GAB3: variants seen among roughly 807,000 people sequenced by gnomAD.
GAB3 encodes the protein GRB2-associated-binding protein 3.
A neutral mutation model predicts 40.4 loss-of-function variants in GAB3; 12 were observed. The ratio of observed to expected loss-of-function variants is 0.30; its 90% confidence interval spans 0.19 to 0.48. The LOEUF (loss-of-function observed/expected upper bound fraction) is 0.48. Among genes scored for constraint, GAB3 ranks in the 20% least tolerant of loss-of-function variants. The probability of loss-of-function intolerance (pLI) is 0.99; values close to 1 mark genes in which losing one functional copy is unlikely to be tolerated. For missense variants in GAB3, 381 were observed against 461.9 expected (o/e 0.82, Z 1.61); for synonymous variants, 154 against 176.7 (o/e 0.87, Z 1.02).
rs1276049102 is a variant in GAB3 at position 154,743,460 on chromosome X, T to C, written c.72+7494A>G. Among the ~76,000 whole-genome samples the C allele has an allele frequency of 2.7e-5, 3 of 111,736 alleles. No homozygotes were observed. In the East Asian group the frequency reaches 8.3e-4, roughly 31 times the overall value. On this transcript the variant is annotated intron_variant, in intron 1 of 9. Transcript: ENST00000424127. ...AATAAATAAAAGAAAAATAAAAGTT[T>C]AGTTTTTTCTCTTTGTTTTAATTGA...
chrX:154,687,510 T>C (rs1557248137), intron 8 of GAB3, among the ~76,000 whole-genome samples: 1 of 107,961 alleles, frequency 9.3e-6, no homozygotes. Flanking sequence ...GGCGGGCGCC[T>C]GTAGTCCCAG....
intron 8 of GAB3, among the ~76,000 whole-genome samples, chrX:154,687,129 T>C (rs782410201): frequency 2.9e-5 from 3 of 102,743 alleles, no homozygotes; most frequent in Non-Finnish European, 6.0e-5. Context: ...GAAGGGGAGG[T>C]TGCAGTGAGT....
At chrX:154,693,653 A>G (rs2070607174) in intron 8 of GAB3, among the ~76,000 whole-genome samples, 1 of 111,970 alleles carries the variant, frequency 8.9e-6, no homozygotes, top group Non-Finnish European at 1.9e-5. Flanking sequence ...TACTCTGATC[A>G]TGGTGGTGGT....
At chrX:154,712,109 T>C (rs1360640025) in intron 4 of GAB3, 120 bp downstream of exon 4, 2 of 495,464 alleles carry the variant, frequency 4.0e-6, no homozygotes, top group African/African-American at 2.4e-5. Flanking sequence ...GCTGCACACA[T>C]CAAGGTAATT....
At chrX:154,708,668 C>G (rs1276695581) in intron 4 of GAB3, among the ~76,000 whole-genome samples, 1 of 111,626 alleles carries the variant, frequency 9.0e-6, no homozygotes, top group Admixed American at 9.5e-5. Flanking sequence ...AGGTATCGGC[C>G]CACACCTGTG....
intron 1 of GAB3, among the ~76,000 whole-genome samples, chrX:154,728,987 G>A (rs1013837221): frequency 1.8e-5 from 2 of 111,650 alleles, no homozygotes; most frequent in South Asian, 3.7e-4. Context: ...ACACATGCAC[G>A]TGTAAGGGGT....
chrX:154,696,140 C>T (rs1023703724), intron 7 of GAB3, 121 bp from the exon 8 acceptor site: 14 of 379,362 alleles, frequency 3.7e-5, no homozygotes, highest in Admixed American at 2.4e-4. Flanking sequence ...AACTTCCTTC[C>T]GGCCAAAGCA....
chrX:154,685,646 C>T (rs1372818527), intron 8 of GAB3, among the ~76,000 whole-genome samples: 1 of 110,738 alleles, frequency 9.0e-6, no homozygotes, highest in Non-Finnish European at 1.9e-5. Flanking sequence ...CAAAGCAGGA[C>T]TTACTTTCCT....
chrX:154,712,553 G>A lies in GAB3; in HGVS notation c.745C>T (p.Pro249Ser), dbSNP rs184479727. Residue 249 changes from proline (P) to serine (S), a missense_variant, in exon 4 of 10, where the codon CCA becomes TCA. Around this residue, in one of 2 missense-constraint regions of GAB3, gnomAD observed 364 missense variants for 421.0 expected, o/e 0.86. Transcript: ENST00000424127. ...AGGGCAGCCTGAGGCCTCGAGGATG[G>A]CACCTCCTGAGCTCCACTGCCATGG... Reference protein sequence around the residue: ...SCHGSGAQEVPSSRPQAALIW... With the variant: ...SCHGSGAQEVSSSRPQAALIW... 2.1e-5 allele frequency: 25 copies of A among 1,180,676 alleles called. No homozygotes were observed. In the African/African-American group the frequency reaches 4.3e-4, roughly 20 times the overall value.
At chrX:154,709,775 G>C (rs1393568543) in intron 4 of GAB3, among the ~76,000 whole-genome samples, 2 of 111,681 alleles carry the variant, frequency 1.8e-5, no homozygotes, top group African/African-American at 6.5e-5. Flanking sequence ...AAAAGGAATG[G>C]TATCCTGTCA....
intron 8 of GAB3, among the ~76,000 whole-genome samples, chrX:154,689,923 G>C (rs2070526858): frequency 9.5e-6 from 1 of 105,783 alleles, no homozygotes; most frequent in Non-Finnish European, 2.0e-5. Flanking sequence ...CTACTTTAAA[G>C]TTCATATGGA....
At chrX:154,734,279 T>C (rs1195285171) in intron 1 of GAB3, among the ~76,000 whole-genome samples, 1 of 113,183 alleles carries the variant, frequency 8.8e-6, no homozygotes, top group Non-Finnish European at 1.9e-5. Context: ...TTTGGGGGCC[T>C]AGCTGTCACT....
intron 4 of GAB3, among the ~76,000 whole-genome samples, chrX:154,700,394 G>T (rs2070723911): frequency 9.0e-6 from 1 of 111,259 alleles, no homozygotes; most frequent in Non-Finnish European, 1.9e-5. Context: ...AGGAGAACAG[G>T]GTGAACAGAG....
At chrX:154,679,442 C>A in intron 9 of GAB3, 1 of 205,424 alleles carries the variant, frequency 4.9e-6, no homozygotes, top group Non-Finnish European at 9.3e-6. Flanking sequence ...TCCCACCCTT[C>A]TTACCAGCTT....
At chrX:154,716,774 T>C (rs782314280) in intron 1 of GAB3, among the ~76,000 whole-genome samples, 1 of 112,015 alleles carries the variant, frequency 8.9e-6, no homozygotes, top group East Asian at 2.8e-4. Flanking sequence ...TCTTCCAACA[T>C]TGCTATTTAA....
chrX:154,700,521 C>T lies in GAB3; in HGVS notation c.1070-462G>A, dbSNP rs782098255. Among the ~76,000 whole-genome samples, 313 of 111,267 alleles carry T rather than the reference C, an allele frequency of 2.8e-3. 2 individuals are homozygous for T. Among genetic ancestry groups the T allele is most frequent in the African/African-American group, 9.7e-3 (297 of 30,585 alleles). ...TTGGAGTTATCCAGGATTAGAAACT[C>T]ATCAGATGGATGCAAGAAACAGTGT... is the stretch of plus-strand genomic sequence containing the variant. On this transcript the variant is annotated intron_variant, in intron 4 of 9. Coordinates refer to ENST00000424127, the MANE Select transcript of GAB3 (RefSeq NM_001081573.3).
chrX:154,681,778 A>G (rs1053776457), intron 8 of GAB3, among the ~76,000 whole-genome samples: 2 of 111,995 alleles, frequency 1.8e-5, no homozygotes, highest in African/African-American at 3.2e-5. Flanking sequence ...CAATAATCTC[A>G]CTTGAATGGA....
At chrX:154,695,273 T>G (rs1557250371) in intron 8 of GAB3, among the ~76,000 whole-genome samples, 1 of 111,960 alleles carries the variant, frequency 8.9e-6, no homozygotes, top group African/African-American at 3.2e-5. Context: ...AAAGCCCATG[T>G]TCTCAATAGC....
At chrX:154,738,533 G>A (rs2071395295) in intron 1 of GAB3, among the ~76,000 whole-genome samples, 1 of 112,200 alleles carries the variant, frequency 8.9e-6, no homozygotes, top group African/African-American at 3.2e-5. Context: ...CATTGGAAGT[G>A]TCCAGATAAC....
Sources: gnomAD v4.1 joint callset for allele counts (sites outside exome capture counted in the v4.1 genomes callset) on GRCh38, gnomAD v4.1.1 for gene constraint, gnomAD v4.1.1 regional missense constraint, MANE v1.5 for transcripts, NCBI Gene and HGNC (gene_info 2026-07-23, HGNC 2026-07-21) for gene names.